The following TRERF1 variants were observed in gnomAD, a reference collection of about 807,000 sequenced individuals.
TRERF1 encodes transcriptional regulating factor 1, also known as transcriptional-regulating factor 1.
TRERF1 carries 27 observed loss-of-function variants against 122.9 expected under a neutral mutation model. The ratio of observed to expected loss-of-function variants is 0.22; its 90% CI spans 0.16 to 0.30. TRERF1 has a LOEUF of 0.30. TRERF1 is among the 10% of genes least tolerant of loss of function. The pLI, the probability that TRERF1 is intolerant of heterozygous loss-of-function variation, is 1.00. For synonymous variants in TRERF1, 636 were observed against 641.7 expected (o/e 0.99, Z 0.13); for missense variants, 1,248 against 1,560.3 (o/e 0.80, Z 3.37).
intron 12 of TRERF1, 56 bp from the exon 13 acceptor site, chr6:42,254,982 T>C: frequency 5.7e-6 from 9 of 1,566,286 alleles, no homozygotes; most frequent in South Asian, 4.4e-5. Flanking sequence ...GTGTGTCCTA[T>C]GGAGATCATC....
At chr6:42,346,398 T>C (rs1768293806) in intron 3 of TRERF1, among the ~76,000 whole-genome samples, 1 of 152,226 alleles carries the variant, frequency 6.6e-6, no homozygotes, top group Admixed American at 6.5e-5. Flanking sequence ...TCTAACTCTC[T>C]GTGACAGAAG....
rs1217208688 is a variant in TRERF1, at chr6:42,259,279, G to C, written c.2269+60C>G. The C allele has an allele frequency of 6.9e-7, 1 of 1,458,958 alleles. No individual in the cohort carries two copies. Among genetic ancestry groups the C allele is most frequent in the African/African-American group, 1.4e-5 (1 of 70,962 alleles). 90.4% of individuals were successfully genotyped at this position (1,458,958 alleles called of 1,614,324 possible). ...TAAATGAGAAAGCTAAAGAAAACGA[G>C]ATGTCCCAGGACTTTACCCAGCACC... On this transcript the variant is annotated intron_variant, in intron 9 of 17. Transcript: ENST00000372922. This position sits in a 1 kb window ranked among gnomAD's most constrained non-coding sequence, Gnocchi z 4.9.
rs571171779 is a variant in TRERF1 at position 42,444,525 on chromosome 6, C to T, written c.-454+6652G>A. The stretch of plus-strand genomic sequence containing the variant: ...CTCAGCCTGGGGAGGCAGAGCATCT[C>T]GGTCCTCCACAGAGTCCCCTGCCTG... On this transcript the variant is annotated intron_variant, in intron 2 of 17. Coordinates refer to ENST00000372922, the Ensembl canonical transcript of TRERF1. 1.3e-4 allele frequency among the ~76,000 whole-genome samples: 20 copies of T among 152,188 alleles called. No homozygotes were observed. In the South Asian group the frequency reaches 2.1e-3, roughly 16 times the overall value.
chr6:42,293,644 C>G (rs995788176), intron 4 of TRERF1, among the ~76,000 whole-genome samples: 1 of 152,014 alleles, frequency 6.6e-6, no homozygotes, highest in Non-Finnish European at 1.5e-5. Flanking sequence ...CTCTTAGTTC[C>G]GTGAACACAG....
intron 2 of TRERF1, among the ~76,000 whole-genome samples, chr6:42,399,216 A>T (rs1265360896): frequency 1.3e-5 from 2 of 152,250 alleles, no homozygotes; most frequent in Non-Finnish European, 2.9e-5. Context: ...TTTTTTAAAT[A>T]AAACAAAAAT....
At chr6:42,417,372 T>C (rs1781990419) in intron 2 of TRERF1, among the ~76,000 whole-genome samples, 1 of 152,078 alleles carries the variant, frequency 6.6e-6, no homozygotes. Flanking sequence ...CTATGCACAG[T>C]ATGAAGGGAT....
At chr6:42,411,044 A>G (rs980470436) in intron 2 of TRERF1, among the ~76,000 whole-genome samples, 31 of 152,314 alleles carry the variant, frequency 2.0e-4, no homozygotes, top group Middle Eastern at 6.8e-3. Flanking sequence ...CTAGAACAAA[A>G]TTATGAATAG....
chr6:42,250,433 C>T (rs1431056405), intron 13 of TRERF1, among the ~76,000 whole-genome samples: 1 of 152,198 alleles, frequency 6.6e-6, no homozygotes, highest in Non-Finnish European at 1.5e-5. Flanking sequence ...AGATGTCTCT[C>T]TTTCCTGGAG....
At chr6:42,247,930 C>T (rs759539368) in intron 13 of TRERF1, among the ~76,000 whole-genome samples, 2 of 152,128 alleles carry the variant, frequency 1.3e-5, no homozygotes, top group Non-Finnish European at 2.9e-5. Context: ...TACCCTACCT[C>T]ACTATACTTC....
At chr6:42,435,715 C>G (rs964665947) in intron 2 of TRERF1, among the ~76,000 whole-genome samples, 3 of 152,014 alleles carry the variant, frequency 2.0e-5, no homozygotes, top group Non-Finnish European at 4.4e-5. Context: ...GTGGCTCACA[C>G]CTGTAATCCC....
intron 2 of TRERF1, among the ~76,000 whole-genome samples, chr6:42,422,620 C>G (rs1782957980): frequency 6.6e-6 from 1 of 152,026 alleles, no homozygotes; most frequent in African/African-American, 2.4e-5. Context: ...ACCTCAGAGT[C>G]TCACATATGA....
At chr6:42,324,881 G>C (rs579742) in intron 3 of TRERF1, among the ~76,000 whole-genome samples, 44,180 of 152,052 alleles carry the variant, frequency 0.29, 10,722 homozygotes, top group African/African-American at 0.65. Context: ...GCAATTGCAA[G>C]AAAAATGAAA....
At chr6:42,280,544 C>T (rs1314843161) in intron 4 of TRERF1, among the ~76,000 whole-genome samples, 1 of 152,230 alleles carries the variant, frequency 6.6e-6, no homozygotes, top group Non-Finnish European at 1.5e-5. Context: ...AGGAAGAAGC[C>T]TCTATGCCCT....
At chr6:42,262,585 G>C (rs1487599421) in intron 8 of TRERF1, among the ~76,000 whole-genome samples, 2 of 149,894 alleles carry the variant, frequency 1.3e-5, no homozygotes, top group African/African-American at 2.5e-5. Flanking sequence ...GAGAGAGAGA[G>C]AGAGAGAGAG....
rs761378921 is a variant in TRERF1, at chr6:42,269,226, T to C, written c.365A>G (p.Tyr122Cys). 6.2e-7 allele frequency: 1 copy of C among 1,614,144 alleles called. No individual in the cohort carries two copies. The highest frequency in any genetic ancestry group is 1.1e-5 in the South Asian group (1 of 91,082). Residue 122 changes from tyrosine (Y) to cysteine (C), a missense_variant, in exon 5 of 18, where the codon TAC (tyrosine) becomes TGC (cysteine). This residue lies in a region of TRERF1 where 946 missense variants were observed against 1,073.0 expected (regional missense o/e 0.88). Transcript: ENST00000372922. The surrounding 1 kb of genome is among the most constrained non-coding windows in gnomAD (Gnocchi z 4.9). ...GATCTCGCTGGCCTGGGAGTAGGTG[T>C]ATTGGTAGCCATCAGTGGGCTCAGC...
At chr6:42,415,765 A>C (rs377747288) in intron 2 of TRERF1, among the ~76,000 whole-genome samples, 4 of 152,112 alleles carry the variant, frequency 2.6e-5, no homozygotes, top group African/African-American at 9.7e-5. Context: ...TAGTTTTTTA[A>C]AATGTTTACC....
chr6:42,313,534 T>C (rs1762014137), intron 3 of TRERF1, among the ~76,000 whole-genome samples: 1 of 152,144 alleles, frequency 6.6e-6, no homozygotes, highest in Non-Finnish European at 1.5e-5. Flanking sequence ...CTGTCACCTG[T>C]AAATCTGAGC....
chr6:42,341,164 T>C (rs1232181486), intron 3 of TRERF1, among the ~76,000 whole-genome samples: 2 of 152,230 alleles, frequency 1.3e-5, no homozygotes, highest in African/African-American at 4.8e-5. Context: ...CAGAAAGCTC[T>C]AGGTTTGAAC....
intron 3 of TRERF1, among the ~76,000 whole-genome samples, chr6:42,312,782 G>A (rs1157587080): frequency 1.3e-5 from 2 of 152,184 alleles, no homozygotes; most frequent in South Asian, 2.1e-4. Context: ...AGTGCCGGGT[G>A]TGGTGTTTGG....
Sources: gnomAD v4.1 joint callset for allele counts (sites outside exome capture counted in the v4.1 genomes callset) on GRCh38, gnomAD v4.1.1 for gene constraint, gnomAD v4.1.1 regional missense constraint, Gnocchi (gnomAD v3.1) non-coding constraint, MANE v1.5 for transcripts, NCBI Gene and HGNC (gene_info 2026-07-23, HGNC 2026-07-21) for gene names.